The following BICC1 variants were observed in gnomAD, a reference collection of about 807,000 sequenced individuals.
The protein encoded by BICC1 is BicC family RNA binding protein 1, also known as protein bicaudal C homolog 1.
A neutral mutation model predicts 111.0 loss-of-function variants in BICC1; 43 were observed. The observed-to-expected ratio is 0.39, with a 90% confidence interval of 0.30 to 0.50. BICC1 has a LOEUF of 0.50. Among genes scored for constraint, BICC1 ranks in the 20% least tolerant of loss-of-function variants. The pLI, the probability that BICC1 is intolerant of heterozygous loss-of-function variation, is 0.88. For missense variants in BICC1, 1,091 were observed against 1,203.2 expected, an observed-to-expected ratio of 0.91 and a Z score of 1.38; for synonymous variants, 467 against 434.4, an observed-to-expected ratio of 1.07 and a Z score of -0.93.
At position 58,702,658 on chromosome 10, in the gene BICC1, C is replaced by T. The variant is rs74150610; in HGVS notation, c.307+515C>T. Reference sequence around the variant, plus strand: ...TTGCCTGGTTTTACCCTATGGGACACTACCCAGTGCATAGATGTTCAGAAA... The same window carrying T: ...TTGCCTGGTTTTACCCTATGGGACATTACCCAGTGCATAGATGTTCAGAAA... On this transcript the variant is annotated intron_variant, in intron 3 of 20. Transcript: ENST00000373886. Among the ~76,000 whole-genome samples, 407 of 152,272 alleles carry T rather than the reference C, an allele frequency of 2.7e-3. 1 individual carries two copies. Among genetic ancestry groups the T allele is most frequent in the African/African-American group, 9.4e-3 (392 of 41,558 alleles).
intron 1 of BICC1, among the ~76,000 whole-genome samples, chr10:58,557,727 CTT>C (rs1305376440): frequency 6.6e-6 from 1 of 151,938 alleles, no homozygotes; most frequent in Non-Finnish European, 1.5e-5. Context: ...TATCTTAACA[CTT>C]TTCAAATTTT....
rs1483550744 is a variant in BICC1 at position 58,512,891 on chromosome 10, G to T, written c.-253G>T. On this transcript the variant is annotated 5_prime_UTR_variant, in exon 1 of 21. Coordinates refer to ENST00000373886, the MANE Select transcript of BICC1 (RefSeq NM_001080512.3). ...GCGCTCATTCCGCGCGGGCGTTGCT[G>T]GCGGGGGGCGGCGCAGCCACTGGAC... is the stretch of plus-strand genomic sequence containing the variant. 2.0e-5 allele frequency among the ~76,000 whole-genome samples: 3 copies of T among 147,462 alleles called. No homozygotes were observed. Among genetic ancestry groups the T allele is most frequent in the Non-Finnish European group, 3.0e-5 (2 of 66,198 alleles).
At chr10:58,628,215 T>C (rs1330036930) in intron 2 of BICC1, among the ~76,000 whole-genome samples, 1 of 152,184 alleles carries the variant, frequency 6.6e-6, no homozygotes, top group Admixed American at 6.5e-5. Flanking sequence ...TACCATCTTA[T>C]GAAGAAAAAC....
intron 3 of BICC1, among the ~76,000 whole-genome samples, chr10:58,758,016 A>C (rs2132668853): frequency 6.6e-6 from 1 of 152,322 alleles, no homozygotes. Context: ...ATTCTGCATA[A>C]GACATAACAT....
At chr10:58,765,736 A>G (rs1842438924) in intron 3 of BICC1, among the ~76,000 whole-genome samples, 2 of 152,232 alleles carry the variant, frequency 1.3e-5, no homozygotes. Context: ...ACAGGGCAAA[A>G]AGGCCTTTCC....
At chr10:58,688,133 G>A (rs1438254375) in intron 2 of BICC1, among the ~76,000 whole-genome samples, 1 of 152,134 alleles carries the variant, frequency 6.6e-6, no homozygotes, top group African/African-American at 2.4e-5. Context: ...GACCCAAAGA[G>A]TGAGCAGCAG....
chr10:58,809,549 TG>T (rs1245549262), intron 17 of BICC1, among the ~76,000 whole-genome samples: 4 of 152,110 alleles, frequency 2.6e-5, no homozygotes, highest in Non-Finnish European at 5.9e-5. Flanking sequence ...CAGTTCTTAC[TG>T]ATATTGAGTG....
chr10:58,661,349 T>C (rs1258524266), intron 2 of BICC1, among the ~76,000 whole-genome samples: 2 of 151,992 alleles, frequency 1.3e-5, no homozygotes, highest in African/African-American at 4.8e-5. Flanking sequence ...TTTAAAGGCA[T>C]CAGGCATCCC....
intron 2 of BICC1, among the ~76,000 whole-genome samples, chr10:58,661,783 TTAAG>T (rs1838852502): frequency 1.3e-5 from 2 of 152,184 alleles, no homozygotes; most frequent in African/African-American, 2.4e-5. Flanking sequence ...AAAAATTTGA[TTAAG>T]TATTATTGAA....
At chr10:58,813,560 T>A (rs1158089304) in intron 17 of BICC1, among the ~76,000 whole-genome samples, 2 of 152,142 alleles carry the variant, frequency 1.3e-5, no homozygotes, top group Non-Finnish European at 2.9e-5. Context: ...GGATTATTTA[T>A]CCCGGAGGCT....
intron 3 of BICC1, among the ~76,000 whole-genome samples, chr10:58,718,743 TG>T (rs1240118764): frequency 4.2e-5 from 2 of 47,718 alleles, no homozygotes; most frequent in Non-Finnish European, 7.5e-5. Flanking sequence ...AGCATGGAAA[TG>T]TGTGTGTGTG....
chr10:58,588,246 A>T (rs1021099799), intron 1 of BICC1, among the ~76,000 whole-genome samples: 1 of 152,214 alleles, frequency 6.6e-6, no homozygotes, highest in Non-Finnish European at 1.5e-5. Flanking sequence ...TGAGAGGCTG[A>T]CTAGAAATAT....
chr10:58,564,398 A>G (rs1335205427), intron 1 of BICC1, among the ~76,000 whole-genome samples: 1 of 152,184 alleles, frequency 6.6e-6, no homozygotes, highest in African/African-American at 2.4e-5. Flanking sequence ...GATCATCTCA[A>G]ATATCAGCAG....
At chr10:58,736,101 A>T (rs1841458066) in intron 3 of BICC1, among the ~76,000 whole-genome samples, 1 of 152,134 alleles carries the variant, frequency 6.6e-6, no homozygotes, top group Non-Finnish European at 1.5e-5. Flanking sequence ...CACAATTCAG[A>T]CCTGACACCT....
At chr10:58,738,554 T>G (rs868766643) in intron 3 of BICC1, among the ~76,000 whole-genome samples, 1 of 152,024 alleles carries the variant, frequency 6.6e-6, no homozygotes, top group Non-Finnish European at 1.5e-5. Context: ...TGGCTTAGGA[T>G]TGACTTGGCA....
intron 1 of BICC1, among the ~76,000 whole-genome samples, chr10:58,565,171 A>G (rs908526103): frequency 6.6e-6 from 1 of 152,220 alleles, no homozygotes; most frequent in African/African-American, 2.4e-5. Context: ...TTAGGATTTT[A>G]TTAGCTTTTA....
At chr10:58,592,286 T>A (rs1363313128) in intron 1 of BICC1, among the ~76,000 whole-genome samples, 1 of 152,234 alleles carries the variant, frequency 6.6e-6, no homozygotes, top group Admixed American at 6.5e-5. Flanking sequence ...GCCCATTTTT[T>A]CTTCTTGTTA....
intron 3 of BICC1, among the ~76,000 whole-genome samples, chr10:58,784,705 G>T (rs990839060): frequency 6.6e-6 from 1 of 151,892 alleles, no homozygotes; most frequent in Admixed American, 6.6e-5. Context: ...AAAATTATAT[G>T]ATATTTTTAT....
chr10:58,617,084 G>A (rs546438934), intron 1 of BICC1, among the ~76,000 whole-genome samples: 49 of 152,246 alleles, frequency 3.2e-4, no homozygotes, highest in Admixed American at 9.2e-4. Context: ...CGCATGGAGC[G>A]CTTGAGAATG....
Sources: allele counts gnomAD v4.1 joint callset (sites outside exome capture counted in the v4.1 genomes callset), GRCh38; gene constraint gnomAD v4.1.1; transcripts MANE v1.5; gene names NCBI Gene and HGNC (gene_info 2026-07-23, HGNC 2026-07-21).